Variants in SMU1 observed in about 807,000 individuals in gnomAD.
The protein encoded by SMU1 is WD40 repeat-containing protein SMU1.
A neutral mutation model predicts 62.0 loss-of-function variants in SMU1; 2 were observed. The ratio of observed to expected loss-of-function variants is 0.03; its 90% CI spans 0.01 to 0.10. SMU1 has a LOEUF of 0.10. SMU1 is among the 10% of genes least tolerant of loss of function. The pLI, the probability that SMU1 is intolerant of heterozygous loss-of-function variation, is 1.00. For synonymous variants in SMU1, 188 were observed against 212.4 expected (o/e 0.89, Z 1.00); for missense variants, 227 against 622.1 (o/e 0.36, Z 6.76).
intron 3 of SMU1, among the ~76,000 whole-genome samples, chr9:33,069,946 C>T (rs1314620351): frequency 6.6e-6 from 1 of 152,088 alleles, no homozygotes; most frequent in Non-Finnish European, 1.5e-5. Context: ...GCCAACATGG[C>T]GAAACCCCAT....
intron 4 of SMU1, among the ~76,000 whole-genome samples, chr9:33,065,290 A>T (rs1319090296): frequency 1.3e-5 from 2 of 152,162 alleles, no homozygotes; most frequent in East Asian, 3.9e-4. Flanking sequence ...TGTCCTTCTT[A>T]TATTTTCTAC....
intron 1 of SMU1, 49 bp downstream of exon 1, chr9:33,076,534 A>C (rs1253297516): frequency 1.2e-6 from 2 of 1,610,908 alleles, no homozygotes; most frequent in African/African-American, 2.7e-5. Flanking sequence ...CCACACCCTT[A>C]ACCTCCAGGC....
chr9:33,055,926 G>A (rs892386971), intron 9 of SMU1, among the ~76,000 whole-genome samples, 187 bp downstream of exon 9: 35 of 152,102 alleles, frequency 2.3e-4, no homozygotes, highest in African/African-American at 8.2e-4. Flanking sequence ...TTGAGATTGG[G>A]GTCCCAAGGC....
chr9:33,046,925 C>A lies in SMU1; in HGVS notation c.*368G>T. On this transcript the variant is annotated 3_prime_UTR_variant, in exon 12 of 12. Coordinates refer to ENST00000397149, the MANE Select transcript of SMU1 (RefSeq NM_018225.3). ...AAAAAAAAGATGGAACAGAACACAG[C>A]TACTGAATATGATATAGTTCCTTAT... The A allele has an allele frequency of 6.2e-6, 1 of 161,166 alleles. No individual in the cohort carries two copies. 10.0% of individuals were successfully genotyped at this position (161,166 alleles called of 1,614,324 possible). A position where few individuals can be genotyped will look rare whatever the true frequency, so the allele number is the denominator to read the frequency against.
intron 1 of SMU1, among the ~76,000 whole-genome samples, chr9:33,075,490 C>G (rs1396289620): frequency 6.6e-6 from 1 of 152,128 alleles, no homozygotes; most frequent in African/African-American, 2.4e-5. Flanking sequence ...TGCTATGATA[C>G]TATCTTCCTT....
At chr9:33,057,237 G>A (rs1391371200) in intron 7 of SMU1, among the ~76,000 whole-genome samples, 1 of 152,060 alleles carries the variant, frequency 6.6e-6, no homozygotes, top group African/African-American at 2.4e-5. Flanking sequence ...TGTAGCCCAG[G>A]ATGTATTTCT....
chr9:33,069,081 T>C, intron 3 of SMU1, 147 bp from the exon 4 acceptor site: 2 of 1,303,858 alleles, frequency 1.5e-6, no homozygotes, highest in African/African-American at 1.5e-5. Flanking sequence ...TGAACTAATT[T>C]AGTTTTTGAA....
At chr9:33,068,793 C>G (rs1471123865) in intron 4 of SMU1, 31 bp downstream of exon 4, 1 of 1,609,314 alleles carries the variant, frequency 6.2e-7, no homozygotes, top group Non-Finnish European at 8.5e-7. Context: ...GTGTGAGCCA[C>G]CACACCTGGC....
intron 6 of SMU1, among the ~76,000 whole-genome samples, chr9:33,058,161 T>C (rs1839321914): frequency 6.6e-6 from 1 of 152,224 alleles, no homozygotes; most frequent in Non-Finnish European, 1.5e-5. Context: ...TCAAACAGAT[T>C]ACTTTTCTTA....
Position 33,056,147 on chromosome 9 carries a change from T to A in SMU1, c.1088A>T (p.Tyr363Phe). 6.2e-7 allele frequency: 1 copy of A among 1,613,278 alleles called. No homozygotes were observed. Among genetic ancestry groups the A allele is most frequent in the Non-Finnish European group, 8.5e-7 (1 of 1,179,586 alleles). The stretch of plus-strand genomic sequence containing the variant: ...GCCATCAGAGGATGCACTAATAATG[T>A]AATGTCCATCTTGTGTAAATGTTGC... ...NEATFTQDGH[Y>F]IISASSDGTV... Residue 363 changes from tyrosine to phenylalanine, a missense_variant, in exon 9 of 12, where the codon TAC (tyrosine) becomes TTC (phenylalanine). By Grantham distance (22) the Tyr-to-Phe change is conservative. Coordinates refer to ENST00000397149, the MANE Select transcript of SMU1 (RefSeq NM_018225.3).
chr9:33,048,054 A>G lies in SMU1; in HGVS notation c.1443+52T>C, dbSNP rs1839205334. 43 of 1,563,292 alleles carry G rather than the reference A, an allele frequency of 2.8e-5. No individual in the cohort carries two copies. The South Asian group carries it at 4.8e-4, about 17-fold the overall frequency. ...AAGGCACATACTTCAGAGTTCAGAA[A>G]GACACAAGTCCTACCATATTTCTTT... is the stretch of plus-strand genomic sequence containing the variant. On this transcript the variant is annotated intron_variant, in intron 11 of 11. Coordinates refer to ENST00000397149, the MANE Select transcript of SMU1 (RefSeq NM_018225.3).
chr9:33,066,131 CA>C (rs1045146398), intron 4 of SMU1, among the ~76,000 whole-genome samples: 7 of 152,232 alleles, frequency 4.6e-5, no homozygotes, highest in Admixed American at 3.9e-4. Flanking sequence ...CTCCTCTTTC[CA>C]ACCACCCAAC....
At chr9:33,048,677 C>A (rs1388469430) in intron 10 of SMU1, among the ~76,000 whole-genome samples, 1 of 152,176 alleles carries the variant, frequency 6.6e-6, no homozygotes, top group Non-Finnish European at 1.5e-5. Flanking sequence ...TAAGACTTTG[C>A]TTGCTCTATT....
intron 3 of SMU1, among the ~76,000 whole-genome samples, chr9:33,071,196 G>C (rs1839482093): frequency 6.6e-6 from 1 of 151,750 alleles, no homozygotes; most frequent in Non-Finnish European, 1.5e-5. Flanking sequence ...CAAACCTCTA[G>C]TAAAAGGCTG....
At position 33,042,075 on chromosome 9, in the gene SMU1, A is replaced by G. The variant is rs1198089895; in HGVS notation, c.*5218T>C. 1 of 152,614 alleles carries G rather than the reference A, an allele frequency of 6.6e-6. No homozygotes were observed. The highest frequency in any genetic ancestry group is 1.5e-5 in the Non-Finnish European group (1 of 68,044). The allele number at this position is 152,614 out of a possible 1,614,324, so 9.5% of individuals were successfully genotyped here. On this transcript the variant is annotated 3_prime_UTR_variant, in exon 12 of 12. Coordinates refer to ENST00000397149, the MANE Select transcript of SMU1 (RefSeq NM_018225.3). Reference sequence around the variant, plus strand: ...ACAATTGTTTAGGAAAATTTGTTACATGTTTTACAATTAAAAATCCTAAGA... The same window carrying G: ...ACAATTGTTTAGGAAAATTTGTTACGTGTTTTACAATTAAAAATCCTAAGA...
Position 33,053,210 on chromosome 9 carries a change from G to A in SMU1, c.1203C>T (p.Asn401=). ...GSTAGTDITV[N]SVILLPKNPE... Reference sequence around the variant, plus strand: ...GGTTTTTAGGAAGTAGAATCACACTGTTGACGGTAATATCTGTCCCTGCGG... The same window carrying A: ...GGTTTTTAGGAAGTAGAATCACACTATTGACGGTAATATCTGTCCCTGCGG... Residue 401 remains asparagine, a synonymous_variant, in exon 10 of 12, where the codon AAC becomes AAT. Coordinates refer to ENST00000397149, the MANE Select transcript of SMU1 (RefSeq NM_018225.3). 6.2e-7 allele frequency: 1 copy of A among 1,612,422 alleles called. No individual in the cohort carries two copies. Among genetic ancestry groups the A allele is most frequent in the Non-Finnish European group, 8.5e-7 (1 of 1,179,990 alleles).
chr9:33,054,439 G>C (rs1042785369), intron 9 of SMU1, among the ~76,000 whole-genome samples: 7 of 152,164 alleles, frequency 4.6e-5, no homozygotes, highest in African/African-American at 1.7e-4. Flanking sequence ...TACTGACAAT[G>C]ACTGAACAGA....
At chr9:33,050,812 TGA>T (rs1839236812) in intron 10 of SMU1, among the ~76,000 whole-genome samples, 1 of 123,742 alleles carries the variant, frequency 8.1e-6, no homozygotes, top group Non-Finnish European at 1.7e-5. Flanking sequence ...GGGGAGAAGG[TGA>T]GACTCCATCT....
intron 8 of SMU1, 140 bp from the exon 9 acceptor site, chr9:33,056,379 G>T: frequency 1.2e-6 from 1 of 856,986 alleles, no homozygotes; most frequent in Non-Finnish European, 1.7e-6. Context: ...TTGTGTATAC[G>T]GTGTAATTTT....
Sources: gnomAD v4.1 joint callset for allele counts (sites outside exome capture counted in the v4.1 genomes callset) on GRCh38, gnomAD v4.1.1 for gene constraint, MANE v1.5 for transcripts, NCBI Gene and HGNC (gene_info 2026-07-23, HGNC 2026-07-21) for gene names.